The following RAPGEF6 variants were observed in gnomAD, a reference collection of about 807,000 sequenced individuals.
The protein encoded by RAPGEF6 is PDZ domain containing guanine nucleotide exchange factor (GEF) 2.
RAPGEF6 carries 56 observed loss-of-function variants against 171.4 expected under a neutral mutation model. That is an observed-to-expected ratio of 0.33 (90% CI 0.26 to 0.41). RAPGEF6 has a LOEUF of 0.41. Ranked by LOEUF, RAPGEF6 falls within the 10% of genes least tolerant of loss-of-function variation. RAPGEF6 has a pLI of 1.00. For synonymous variants in RAPGEF6, 692 were observed against 650.1 expected (o/e 1.06, Z -0.98); for missense variants, 1,674 against 1,921.4 (o/e 0.87, Z 2.41).
intron 16 of RAPGEF6, among the ~76,000 whole-genome samples, chr5:131,475,274 T>C (rs1755022119): frequency 6.6e-6 from 1 of 152,216 alleles, no homozygotes; most frequent in East Asian, 1.9e-4. Context: ...ATTTGGCAAG[T>C]AATTGTATCA....
At chr5:131,439,024 G>A (rs1334554620) in intron 24 of RAPGEF6, among the ~76,000 whole-genome samples, 1 of 152,108 alleles carries the variant, frequency 6.6e-6, no homozygotes, top group African/African-American at 2.4e-5. Context: ...CCAGGCTCAA[G>A]CGATCCTCTC....
At chr5:131,557,166 T>C (rs1761288264) in intron 5 of RAPGEF6, among the ~76,000 whole-genome samples, 1 of 152,216 alleles carries the variant, frequency 6.6e-6, no homozygotes, top group Admixed American at 6.5e-5. Flanking sequence ...TAAAATATCC[T>C]GGGATTATGA....
intron 5 of RAPGEF6, among the ~76,000 whole-genome samples, chr5:131,552,971 T>C (rs960075701): frequency 6.6e-6 from 1 of 152,102 alleles, no homozygotes; most frequent in Non-Finnish European, 1.5e-5. Context: ...AAAGTCAAAA[T>C]TTAAAAACTT....
intron 7 of RAPGEF6, among the ~76,000 whole-genome samples, chr5:131,513,825 C>T (rs928551735): frequency 7.2e-5 from 11 of 152,042 alleles, no homozygotes; most frequent in African/African-American, 1.9e-4. Context: ...CTGGGCAACA[C>T]GGAGAAACCC....
intron 1 of RAPGEF6, among the ~76,000 whole-genome samples, chr5:131,633,166 T>C (rs2149494455): frequency 6.6e-6 from 1 of 152,176 alleles, no homozygotes; most frequent in South Asian, 2.1e-4. Flanking sequence ...ATCCCGTCTC[T>C]ACTAAAAATA....
At chr5:131,622,785 T>C (rs966122572) in intron 1 of RAPGEF6, among the ~76,000 whole-genome samples, 1 of 152,176 alleles carries the variant, frequency 6.6e-6, no homozygotes, top group African/African-American at 2.4e-5. Context: ...GTTCTTTTTC[T>C]TTCCAAGGAA....
intron 24 of RAPGEF6, among the ~76,000 whole-genome samples, chr5:131,437,339 T>G (rs1752074958): frequency 6.6e-6 from 1 of 152,170 alleles, no homozygotes. Context: ...ATAAGAGCAA[T>G]GGAGGAATTC....
chr5:131,571,808 T>C (rs1050270400), intron 4 of RAPGEF6, among the ~76,000 whole-genome samples: 3 of 152,184 alleles, frequency 2.0e-5, no homozygotes, highest in Admixed American at 2.0e-4. Context: ...TGGTAAGTCC[T>C]CTGAGCTGGC....
chr5:131,459,692 A>G (rs938195250), intron 19 of RAPGEF6, among the ~76,000 whole-genome samples: 1 of 152,216 alleles, frequency 6.6e-6, no homozygotes, highest in Admixed American at 6.5e-5. Context: ...AGACAACTTT[A>G]TAAGAACTGA....
intron 1 of RAPGEF6, among the ~76,000 whole-genome samples, chr5:131,617,307 CAA>C (rs34573679): frequency 0.65 from 97,082 of 150,034 alleles, 32,656 homozygotes; most frequent in Non-Finnish European, 0.77. Flanking sequence ...CACACACACA[CAA>C]AAAAAAACCC....
At position 131,426,183 on chromosome 5, in the gene RAPGEF6, A is replaced by G. The variant is rs2149801775; in HGVS notation, c.*1083T>C. The G allele has an allele frequency of 6.6e-6, 1 of 152,338 alleles. No homozygotes were observed. Among genetic ancestry groups the G allele is most frequent in the Middle Eastern group, 3.4e-3 (1 of 294 alleles). The allele number at this position is 152,338 out of a possible 1,614,324, so 9.4% of individuals were successfully genotyped here. ...CAAAATGTTACTGCAGCCAGCTGAG[A>G]GCTGCAGGGTATGTCAGGTCAGACA... On this transcript the variant is annotated 3_prime_UTR_variant, in exon 28 of 28. Transcript: ENST00000509018.
chr5:131,545,919 T>C (rs1156664333), intron 6 of RAPGEF6, among the ~76,000 whole-genome samples: 1 of 152,162 alleles, frequency 6.6e-6, no homozygotes, highest in Non-Finnish European at 1.5e-5. Context: ...CATGCAAAAA[T>C]GCCACTATAC....
intron 6 of RAPGEF6, among the ~76,000 whole-genome samples, chr5:131,545,083 C>T (rs1760427116): frequency 1.3e-5 from 2 of 152,078 alleles, no homozygotes; most frequent in Admixed American, 1.3e-4. Flanking sequence ...CTCAGAGCAA[C>T]ACTCAACGGA....
intron 4 of RAPGEF6, among the ~76,000 whole-genome samples, chr5:131,571,244 C>G (rs981891931): frequency 6.6e-6 from 1 of 152,012 alleles, no homozygotes; most frequent in African/African-American, 2.4e-5. Flanking sequence ...GCCCCGCCCC[C>G]AACTACTTTT....
chr5:131,496,437 C>T (rs1756647083), intron 12 of RAPGEF6, among the ~76,000 whole-genome samples: 1 of 152,112 alleles, frequency 6.6e-6, no homozygotes, highest in Admixed American at 6.5e-5. Context: ...GTGTAACCAT[C>T]ACCACTGTCT....
intron 22 of RAPGEF6, among the ~76,000 whole-genome samples, chr5:131,445,493 C>CTCTGTGTGTGTGTGTGTGTGTGTGTG (rs1554070849): frequency 1.7e-4 from 25 of 147,222 alleles, no homozygotes; most frequent in African/African-American, 6.4e-4. Context: ...AACTCACTCT[C>CTCTGTGTGTGTGTGTGTGTGTGTGTG]TGTGTGTGTG....
chr5:131,585,479 T>G (rs186945682), intron 4 of RAPGEF6, among the ~76,000 whole-genome samples: 5 of 152,148 alleles, frequency 3.3e-5, no homozygotes, highest in Non-Finnish European at 7.4e-5. Flanking sequence ...CTGAGATAAA[T>G]GCATACCTGA....
rs747206979 is a variant in RAPGEF6 at position 131,479,556 on chromosome 5, A to G, written c.2038T>C (p.Leu680=). ...AAGATACTAAATCGTGTTTTATCCA[A>G]AATCTTCCTGATTTTGTTTCTTCCA... The part of the protein sequence containing the change: ...SGGRNKIRKI[L]DKTRFSILPP... Residue 680 remains leucine, a synonymous_variant, in exon 16 of 28, where the codon TTG becomes CTG. Coordinates refer to ENST00000509018, the MANE Select transcript of RAPGEF6 (RefSeq NM_016340.6). 1.9e-6 allele frequency: 3 copies of G among 1,613,988 alleles called. No homozygotes were observed. Among genetic ancestry groups the G allele is most frequent in the South Asian group, 1.1e-5 (1 of 91,080 alleles).
At chr5:131,542,792 T>C (rs1760242421) in intron 6 of RAPGEF6, among the ~76,000 whole-genome samples, 1 of 152,224 alleles carries the variant, frequency 6.6e-6, no homozygotes, top group Non-Finnish European at 1.5e-5. Flanking sequence ...AAAGGAATTG[T>C]ATATACAAGA....
Sources: gnomAD v4.1 joint callset for allele counts (sites outside exome capture counted in the v4.1 genomes callset) on GRCh38, gnomAD v4.1.1 for gene constraint, MANE v1.5 for transcripts, NCBI Gene and HGNC (gene_info 2026-07-23, HGNC 2026-07-21) for gene names.